DPYD: variants seen among roughly 807,000 people sequenced by gnomAD.
DPYD encodes dihydropyrimidine dehydrogenase [NADP(+)].
A neutral mutation model predicts 116.2 loss-of-function variants in DPYD; 109 were observed. That is an observed-to-expected ratio of 0.94 (90% CI 0.80 to 1.10). The LOEUF (loss-of-function observed/expected upper bound fraction) is 1.10, where lower values mean the gene tolerates loss of function less well. Among genes scored for constraint, DPYD ranks in the 50% least tolerant of loss-of-function variants. The probability of loss-of-function intolerance (pLI) is 0.00; values close to 1 mark genes in which losing one functional copy is unlikely to be tolerated. For missense variants in DPYD, 1,302 were observed against 1,254.5 expected (o/e 1.04, Z -0.57); for synonymous variants, 440 against 432.0 (o/e 1.02, Z -0.23).
chr1:97,605,890 T>G (rs1163249748), intron 8 of DPYD, among the ~76,000 whole-genome samples: 1 of 152,044 alleles, frequency 6.6e-6, no homozygotes, highest in Admixed American at 6.6e-5. Context: ...TCCTTGATAT[T>G]TAACACAATT....
intron 1 of DPYD, among the ~76,000 whole-genome samples, chr1:97,899,664 T>G (rs1158526789): frequency 2.0e-5 from 3 of 151,812 alleles, no homozygotes; most frequent in African/African-American, 7.3e-5. Flanking sequence ...TGGCTTAATT[T>G]TATAGAGCAC....
rs1389978268 is a variant in DPYD, at chr1:97,856,508, C to T, written c.150+26756G>A. 6 of 152,130 alleles carry T rather than the reference C, an allele frequency of 3.9e-5. No individual in the cohort carries two copies. The East Asian group carries it at 1.2e-3, about 29-fold the overall frequency. 9.4% of individuals were successfully genotyped at this position (152,130 alleles called of 1,614,324 possible). On this transcript the variant is annotated intron_variant, in intron 2 of 22. Transcript: ENST00000370192. ...GACAGTTCTGTTGTGTGAGTGAAAC[C>T]TTAATCATGTAAGAAAACAAAATGC...
At chr1:97,669,478 T>C (rs1659743310) in intron 8 of DPYD, among the ~76,000 whole-genome samples, 1 of 152,164 alleles carries the variant, frequency 6.6e-6, no homozygotes, top group Non-Finnish European at 1.5e-5. Context: ...GGACACCTCT[T>C]AAGCCATTCA....
At chr1:97,684,811 T>C (rs2100931503) in intron 7 of DPYD, among the ~76,000 whole-genome samples, 2 of 152,258 alleles carry the variant, frequency 1.3e-5, no homozygotes, top group South Asian at 4.1e-4. Context: ...GTTGAATCCC[T>C]GAATAGACCA....
At chr1:97,831,400 G>A (rs763138876) in intron 2 of DPYD, among the ~76,000 whole-genome samples, 4 of 152,026 alleles carry the variant, frequency 2.6e-5, no homozygotes, top group African/African-American at 4.8e-5. Flanking sequence ...TTGAGCCAGC[G>A]GCCTCCAATC....
chr1:97,245,403 T>G (rs1662651973), intron 18 of DPYD, among the ~76,000 whole-genome samples: 1 of 152,108 alleles, frequency 6.6e-6, no homozygotes, highest in African/African-American at 2.4e-5. Context: ...GCCTACAATT[T>G]TAAAGGTTTA....
intron 2 of DPYD, among the ~76,000 whole-genome samples, chr1:97,873,642 T>C (rs542662389): frequency 1.5e-4 from 23 of 152,002 alleles, no homozygotes; most frequent in Non-Finnish European, 2.5e-4. Context: ...CCAAGCTTCG[T>C]ATTTCCCATT....
At chr1:97,657,709 T>C (rs1659018730) in intron 8 of DPYD, among the ~76,000 whole-genome samples, 1 of 152,186 alleles carries the variant, frequency 6.6e-6, no homozygotes, top group African/African-American at 2.4e-5. Flanking sequence ...AATAACAGTT[T>C]ATGCTGCAAT....
chr1:97,687,316 A>G (rs1386991242), intron 7 of DPYD, among the ~76,000 whole-genome samples: 3 of 152,160 alleles, frequency 2.0e-5, no homozygotes, highest in African/African-American at 7.2e-5. Context: ...TACGTAAAGG[A>G]CATGAACAGA....
chr1:97,803,186 C>T (rs991323824), intron 3 of DPYD, among the ~76,000 whole-genome samples: 2 of 151,710 alleles, frequency 1.3e-5, no homozygotes, highest in African/African-American at 2.4e-5. Context: ...TTCAAACTGC[C>T]GATTTGACGC....
chr1:97,286,925 A>C (rs1665730909), intron 18 of DPYD, among the ~76,000 whole-genome samples: 1 of 152,170 alleles, frequency 6.6e-6, no homozygotes, highest in African/African-American at 2.4e-5. Flanking sequence ...CAACTCGTCA[A>C]AGTCATTCTC....
intron 2 of DPYD, among the ~76,000 whole-genome samples, chr1:97,861,620 T>C (rs1215139067): frequency 4.6e-5 from 7 of 151,944 alleles, no homozygotes; most frequent in African/African-American, 1.4e-4. Context: ...CATGGAGTTA[T>C]GGCACACAAG....
chr1:97,461,651 G>A (rs940391646), intron 13 of DPYD, among the ~76,000 whole-genome samples: 1 of 152,142 alleles, frequency 6.6e-6, no homozygotes, highest in Non-Finnish European at 1.5e-5. Context: ...AAGCAGCTAT[G>A]CGATATAATA....
At chr1:97,373,806 G>T (rs1026313965) in intron 15 of DPYD, among the ~76,000 whole-genome samples, 162 bp from the exon 16 acceptor site, 2 of 152,032 alleles carry the variant, frequency 1.3e-5, no homozygotes, top group African/African-American at 4.8e-5. Context: ...TCAAATTAAG[G>T]TCTATATAAC....
intron 3 of DPYD, among the ~76,000 whole-genome samples, chr1:97,745,294 C>T (rs1571287944): frequency 6.6e-6 from 1 of 152,104 alleles, no homozygotes; most frequent in East Asian, 1.9e-4. Context: ...TTAACCACAC[C>T]TGTGATGTTC....
chr1:97,399,302 C>G (rs1673211058), intron 14 of DPYD, among the ~76,000 whole-genome samples: 1 of 152,082 alleles, frequency 6.6e-6, no homozygotes, highest in Non-Finnish European at 1.5e-5. Flanking sequence ...TTCCATTGGT[C>G]TATATCTCTT....
chr1:97,174,254 AGGCTGCAGGCACT>A (rs1657094134), intron 20 of DPYD, among the ~76,000 whole-genome samples: 1 of 152,152 alleles, frequency 6.6e-6, no homozygotes, highest in African/African-American at 2.4e-5. Flanking sequence ...TTGTTAACGG[AGGCTGCAGGCACT>A]GGCTGATCCT....
At chr1:97,466,982 A>C (rs935875743) in intron 13 of DPYD, among the ~76,000 whole-genome samples, 1 of 152,160 alleles carries the variant, frequency 6.6e-6, no homozygotes, top group Non-Finnish European at 1.5e-5. Context: ...AATAAAGGAA[A>C]AACTTGAGAT....
At chr1:97,328,206 T>C (rs1263451120) in intron 16 of DPYD, among the ~76,000 whole-genome samples, 1 of 152,156 alleles carries the variant, frequency 6.6e-6, no homozygotes, top group African/African-American at 2.4e-5. Flanking sequence ...CCACAATGTA[T>C]AATCTGAGCC....
Sources: gnomAD v4.1 joint callset for allele counts (sites outside exome capture counted in the v4.1 genomes callset) on GRCh38, gnomAD v4.1.1 for gene constraint, MANE v1.5 for transcripts, NCBI Gene and HGNC (gene_info 2026-07-23, HGNC 2026-07-21) for gene names.